The following ZNF892 variants were observed in gnomAD, a reference collection of about 807,000 sequenced individuals.
The protein encoded by ZNF892 is zinc finger protein 570-like.
At chr2:95,222,968 G>C in the ZNF892 span, among the ~76,000 whole-genome samples, 4 of 152,296 alleles carry the variant, frequency 2.6e-5, no homozygotes, top group South Asian at 8.3e-4. Context: ...TGGTTATCCA[G>C]ATGTTTCAGC....
chr2:95,215,020 G>A, the ZNF892 span: 19 of 514,576 alleles, frequency 3.7e-5, no homozygotes, highest in African/African-American at 3.3e-4. Context: ...ATTCATACTG[G>A]AGAGAAACCT....
chr2:95,223,279 G>A, the ZNF892 span, among the ~76,000 whole-genome samples: 2 of 152,078 alleles, frequency 1.3e-5, no homozygotes, highest in South Asian at 2.1e-4. Flanking sequence ...ACACTCAGTT[G>A]TTATCCAAAT....
chr2:95,235,493 C>T, the ZNF892 span, among the ~76,000 whole-genome samples: 4 of 151,954 alleles, frequency 2.6e-5, no homozygotes, highest in Admixed American at 2.6e-4. Context: ...TCCTGAGTAT[C>T]TGGGACTACA....
the ZNF892 span, among the ~76,000 whole-genome samples, chr2:95,222,317 A>G: frequency 2.6e-5 from 4 of 152,264 alleles, 1 homozygote; most frequent in Admixed American, 1.3e-4. Context: ...AGGTTTTTGT[A>G]TGAACATAAA....
the ZNF892 span, among the ~76,000 whole-genome samples, chr2:95,245,450 C>CGG: frequency 8.5e-3 from 99 of 11,646 alleles, 2 homozygotes; most frequent in African/African-American, 0.027. Flanking sequence ...GTAGAGACGG[C>CGG]GGGGGGGGGG....
At chr2:95,226,879 G>A in the ZNF892 span, among the ~76,000 whole-genome samples, 1 of 152,130 alleles carries the variant, frequency 6.6e-6, no homozygotes, top group Non-Finnish European at 1.5e-5. Context: ...TCACTGCCCT[G>A]TTCATGCCCA....
the ZNF892 span, among the ~76,000 whole-genome samples, chr2:95,245,142 G>T: frequency 6.6e-6 from 1 of 151,194 alleles, no homozygotes; most frequent in Admixed American, 6.6e-5. Context: ...AGAGAACCAA[G>T]AGCAAACAAA....
At chr2:95,256,336 A>C in the ZNF892 span, among the ~76,000 whole-genome samples, 1 of 152,154 alleles carries the variant, frequency 6.6e-6, no homozygotes, top group Non-Finnish European at 1.5e-5. Flanking sequence ...TATGAAGCTT[A>C]GTTTGGCTGG....
At chr2:95,251,421 A>G in the ZNF892 span, among the ~76,000 whole-genome samples, 2 of 152,222 alleles carry the variant, frequency 1.3e-5, no homozygotes, top group South Asian at 2.1e-4. Flanking sequence ...ACCTACTTTA[A>G]TTATGACTCA....
At chr2:95,263,260 C>T in the ZNF892 span, among the ~76,000 whole-genome samples, 11 of 152,182 alleles carry the variant, frequency 7.2e-5, no homozygotes, top group African/African-American at 2.7e-4. Context: ...CTACAAGGAC[C>T]TGGATACTTC....
the ZNF892 span, among the ~76,000 whole-genome samples, chr2:95,234,021 T>G: frequency 2.0e-5 from 3 of 152,206 alleles, no homozygotes; most frequent in African/African-American, 7.2e-5. Context: ...GTGAAATATG[T>G]GTGTCTTTTT....
the ZNF892 span, among the ~76,000 whole-genome samples, chr2:95,250,650 CTATTCATAAATTATAAATTTATAAATAT>C: frequency 1.6e-5 from 2 of 123,482 alleles, no homozygotes; most frequent in Non-Finnish European, 3.5e-5. Context: ...TAAATATAAA[CTATTCATAAATTATAAATTTATAAATAT>C]AAACTATTCA....
chr2:95,224,221 A>G, the ZNF892 span, among the ~76,000 whole-genome samples: 3 of 152,076 alleles, frequency 2.0e-5, no homozygotes, highest in East Asian at 1.9e-4. Context: ...TAACTCCTCT[A>G]TTCTCCCCAG....
At chr2:95,219,679 G>A in the ZNF892 span, among the ~76,000 whole-genome samples, 1 of 152,110 alleles carries the variant, frequency 6.6e-6, no homozygotes, top group East Asian at 1.9e-4. Context: ...TATGAGATTT[G>A]GTATCCTATT....
At chr2:95,255,588 A>G in the ZNF892 span, among the ~76,000 whole-genome samples, 3 of 152,198 alleles carry the variant, frequency 2.0e-5, no homozygotes, top group Non-Finnish European at 4.4e-5. Flanking sequence ...GCAGATGTCT[A>G]TTAGGTCTGC....
the ZNF892 span, among the ~76,000 whole-genome samples, chr2:95,242,188 T>C: frequency 6.6e-6 from 1 of 152,026 alleles, no homozygotes; most frequent in Non-Finnish European, 1.5e-5. Flanking sequence ...AGACATATAA[T>C]CATCAGATTC....
the ZNF892 span, chr2:95,214,905 G>T: frequency 2.0e-6 from 1 of 506,604 alleles, no homozygotes; most frequent in Non-Finnish European, 3.6e-6. Flanking sequence ...TCACCGCTCA[G>T]CCCTTATTCG....
the ZNF892 span, among the ~76,000 whole-genome samples, chr2:95,257,087 T>C: frequency 6.6e-6 from 1 of 152,270 alleles, no homozygotes; most frequent in South Asian, 2.1e-4. Context: ...AAAGTCATTC[T>C]GTGACCAGCT....
the ZNF892 span, among the ~76,000 whole-genome samples, chr2:95,245,271 G>T: frequency 1.4e-4 from 15 of 104,476 alleles, no homozygotes; most frequent in African/African-American, 4.6e-4. Context: ...TTTTTTTTGA[G>T]ACAGAGTCTC....
Sources: allele counts gnomAD v4.1 joint callset (sites outside exome capture counted in the v4.1 genomes callset), GRCh38; gene constraint gnomAD v4.1.1; transcripts MANE v1.5; gene names NCBI Gene and HGNC (gene_info 2026-07-23, HGNC 2026-07-21).